Variants in RPS6KB1 observed in about 807,000 individuals in gnomAD.
RPS6KB1 encodes the protein ribosomal protein S6 kinase beta-1.
In RPS6KB1, 12 loss-of-function variants were observed where a neutral mutation model predicts 70.2. The observed-to-expected ratio is 0.17, with a 90% confidence interval of 0.11 to 0.28. The LOEUF (loss-of-function observed/expected upper bound fraction) is 0.28, where lower values mean the gene tolerates loss of function less well. RPS6KB1 is among the 10% of genes least tolerant of loss of function. RPS6KB1 has a pLI of 1.00. For missense variants in RPS6KB1, 270 were observed against 646.6 expected (o/e 0.42, Z 6.32); for synonymous variants, 175 against 211.2 (o/e 0.83, Z 1.49).
intron 4 of RPS6KB1, among the ~76,000 whole-genome samples, chr17:59,921,258 C>T (rs1184236999): frequency 6.6e-6 from 1 of 152,106 alleles, no homozygotes; most frequent in Non-Finnish European, 1.5e-5. Context: ...CTGTTTGCCT[C>T]TGCTTTTGCT....
Position 59,934,107 on chromosome 17 carries a change from A to G in RPS6KB1, c.689-63A>G. On this transcript the variant is annotated intron_variant, in intron 7 of 14. Transcript: ENST00000225577. The surrounding 1 kb of genome is among the most constrained non-coding windows in gnomAD (Gnocchi z 4.8). ...AGGATAGATTAAAGTATTATGTGAC[A>G]TGTTCAAACACTGCACATACTTATA... is the stretch of plus-strand genomic sequence containing the variant. 9.6e-7 allele frequency: 1 copy of G among 1,042,608 alleles called. No individual in the cohort carries two copies. The highest frequency in any genetic ancestry group is 1.5e-6 in the Non-Finnish European group (1 of 665,728). 64.6% of individuals were successfully genotyped at this position (1,042,608 alleles called of 1,614,324 possible).
In RPS6KB1 at chr17:59,946,381, T is replaced by C. The variant is rs773162952; in HGVS notation, c.1341-170T>C. Among the ~76,000 whole-genome samples, 1 of 152,094 alleles carries C rather than the reference T, an allele frequency of 6.6e-6. No homozygotes were observed. The highest frequency in any genetic ancestry group is 1.5e-5 in the Non-Finnish European group (1 of 68,024). ...CCAGTTAGGAAATTCTAGCAGTTAA[T>C]CTAGGTGGGGGAGAGATGGTTCAAT... On this transcript the variant is annotated intron_variant, in intron 14 of 14. Coordinates refer to ENST00000225577, the MANE Select transcript of RPS6KB1 (RefSeq NM_003161.4). This position sits in a 1 kb window ranked among gnomAD's most constrained non-coding sequence, Gnocchi z 4.2.
At chr17:59,906,291 G>C (rs1055884963) in intron 1 of RPS6KB1, among the ~76,000 whole-genome samples, 2 of 152,152 alleles carry the variant, frequency 1.3e-5, no homozygotes, top group Non-Finnish European at 2.9e-5. Flanking sequence ...AAATTGGGAA[G>C]TGTCAGTCCT....
chr17:59,926,484 G>A lies in RPS6KB1; in HGVS notation c.431G>A (p.Arg144Gln), dbSNP rs1356718539. The A allele has an allele frequency of 6.2e-7, 1 of 1,610,796 alleles. No individual in the cohort carries two copies. The highest frequency in any genetic ancestry group is 2.2e-5 in the East Asian group (1 of 44,760). The change falls in exon 5 of 15, where the codon CGG (arginine) becomes CAG (glutamine). Residue 144 changes from arginine to glutamine, a missense_variant. Coordinates refer to ENST00000225577, the MANE Select transcript of RPS6KB1 (RefSeq NM_003161.4). The stretch of plus-strand genomic sequence containing the variant: ...GATACAGCTCATACAAAAGCAGAAC[G>A]GAATATTCTGGAGGAAGTAAAGCAT... ...AKDTAHTKAE[R>Q]NILEEVKHPF...
At chr17:59,935,409 A>G in intron 10 of RPS6KB1, 109 bp downstream of exon 10, 1 of 579,778 alleles carries the variant, frequency 1.7e-6, no homozygotes, top group East Asian at 3.1e-5. Flanking sequence ...ATATTGAACA[A>G]AAAAGTCTTC....
At chr17:59,897,502 T>A (rs906130158) in intron 1 of RPS6KB1, among the ~76,000 whole-genome samples, 33 of 152,104 alleles carry the variant, frequency 2.2e-4, no homozygotes, top group African/African-American at 6.3e-4. Flanking sequence ...TATTTTTTTT[T>A]AAAACTAATT....
rs922757761 is a variant in RPS6KB1 at position 59,949,221 on chromosome 17, T to C, written c.*2433T>C. The stretch of plus-strand genomic sequence containing the variant: ...GTTTATTGAGAACTTGTTTCATAAA[T>C]GGATATCCCTACTATGACTGTGAAA... On this transcript the variant is annotated 3_prime_UTR_variant, in exon 15 of 15. Transcript: ENST00000225577. 4 of 152,630 alleles carry C rather than the reference T, an allele frequency of 2.6e-5. No individual in the cohort carries two copies. The highest frequency in any genetic ancestry group is 4.4e-5 in the Non-Finnish European group (3 of 68,002). 9.5% of individuals were successfully genotyped at this position (152,630 alleles called of 1,614,324 possible).
At chr17:59,910,168 C>CA (rs1357020149) in intron 1 of RPS6KB1, among the ~76,000 whole-genome samples, 1 of 146,342 alleles carries the variant, frequency 6.8e-6, no homozygotes, top group African/African-American at 2.5e-5. Context: ...GTCTGGGTGA[C>CA]AGAGTGAGAC....
At chr17:59,907,710 T>A (rs2144745567) in intron 1 of RPS6KB1, among the ~76,000 whole-genome samples, 1 of 152,206 alleles carries the variant, frequency 6.6e-6, no homozygotes, top group Middle Eastern at 3.4e-3. Flanking sequence ...AGCTAATTTT[T>A]AAAAATTTTT....
chr17:59,934,699 C>A lies in RPS6KB1; in HGVS notation c.870+175C>A. The A allele has an allele frequency of 1.9e-6, 1 of 533,454 alleles. No homozygotes were observed. The highest frequency in any genetic ancestry group is 3.3e-6 in the Non-Finnish European group (1 of 303,480). The allele number at this position is 533,454 out of a possible 1,614,324, so 33.0% of individuals were successfully genotyped here. On this transcript the variant is annotated intron_variant, in intron 9 of 14. Transcript: ENST00000225577. The surrounding 1 kb of genome is among the most constrained non-coding windows in gnomAD (Gnocchi z 4.8). ...ATGATTATATGGGATCCCATACTTT[C>A]CGAAACATTTTCTTTTAAATGATCT... is the stretch of plus-strand genomic sequence containing the variant.
chr17:59,935,459 C>T (rs575955265), intron 10 of RPS6KB1, among the ~76,000 whole-genome samples, 159 bp downstream of exon 10: 134 of 151,934 alleles, frequency 8.8e-4, no homozygotes, highest in Non-Finnish European at 1.7e-3. Context: ...TAAAGACTTT[C>T]TTTTCATATT....
intron 5 of RPS6KB1, among the ~76,000 whole-genome samples, chr17:59,928,891 C>T (rs964683714): frequency 3.9e-5 from 6 of 152,026 alleles, no homozygotes; most frequent in Non-Finnish European, 7.4e-5. Context: ...TCAGGTTATG[C>T]AATTTTGGCA....
rs34821995 is a variant in RPS6KB1, at chr17:59,943,890, T to TTATATATATA, written c.1228-1509_1228-1500dup. Among the ~76,000 whole-genome samples the TTATATATATA allele has an allele frequency of 4.5e-5, 6 of 132,428 alleles. No individual in the cohort carries two copies. In the East Asian group the frequency reaches 6.3e-4, roughly 14 times the overall value. The allele number at this position is 132,428 out of a possible 152,430, so 86.9% of individuals were successfully genotyped here. On this transcript the variant is annotated intron_variant, in intron 13 of 14. Coordinates refer to ENST00000225577, the MANE Select transcript of RPS6KB1 (RefSeq NM_003161.4). Reference sequence around the variant, plus strand: ...ATCCATCTCAAAAAAAAAAAAAAAATTATATATATATATATACACATATAT... The same window carrying TTATATATATA: ...ATCCATCTCAAAAAAAAAAAAAAAATTATATATATATATATATATATATATACACATATAT...
intron 4 of RPS6KB1, among the ~76,000 whole-genome samples, chr17:59,921,900 A>G (rs1356955399): frequency 1.3e-5 from 2 of 152,170 alleles, no homozygotes; most frequent in Non-Finnish European, 2.9e-5. Context: ...GATTCCTACA[A>G]TGCCTGTTTT....
intron 10 of RPS6KB1, 145 bp from the exon 11 acceptor site, chr17:59,936,070 G>T: frequency 1.5e-6 from 1 of 684,832 alleles, no homozygotes. Flanking sequence ...GCCTCCCAAA[G>T]TGCTGGGATT....
chr17:59,924,629 C>T (rs186958826), intron 4 of RPS6KB1, among the ~76,000 whole-genome samples: 75 of 151,820 alleles, frequency 4.9e-4, no homozygotes, highest in African/African-American at 1.6e-3. Context: ...TTTTCCTTCC[C>T]TTCCATTATC....
In RPS6KB1 at chr17:59,918,356, A is replaced by ATTTT. The variant is rs147240052; in HGVS notation, c.381+3659_381+3662dup. 3.3e-5 allele frequency among the ~76,000 whole-genome samples: 5 copies of ATTTT among 149,966 alleles called. No individual in the cohort carries two copies. The Admixed American group carries it at 3.3e-4, about 10-fold the overall frequency. On this transcript the variant is annotated intron_variant, in intron 4 of 14. Transcript: ENST00000225577. ...CTTCTCTTACCCCTCTGAGAGTTTT[A>ATTTT]TTTTTTTTTAATGTTTATTATTATT...
chr17:59,896,435 C>T (rs1361049524), intron 1 of RPS6KB1, among the ~76,000 whole-genome samples: 1 of 152,172 alleles, frequency 6.6e-6, no homozygotes, highest in Non-Finnish European at 1.5e-5. Flanking sequence ...CTTGGGTGAT[C>T]TGCCTGCCTT....
At chr17:59,914,954 C>T (rs1234814769) in intron 4 of RPS6KB1, among the ~76,000 whole-genome samples, 1 of 151,918 alleles carries the variant, frequency 6.6e-6, no homozygotes, top group Non-Finnish European at 1.5e-5. Flanking sequence ...TGTAGTAAGA[C>T]CCAGTCTCTT....
Sources: gnomAD v4.1 joint callset for allele counts (sites outside exome capture counted in the v4.1 genomes callset) on GRCh38, gnomAD v4.1.1 for gene constraint, Gnocchi (gnomAD v3.1) non-coding constraint, MANE v1.5 for transcripts, NCBI Gene and HGNC (gene_info 2026-07-23, HGNC 2026-07-21) for gene names.